MCU: variants seen among roughly 807,000 people sequenced by gnomAD.
The protein encoded by MCU is calcium uniporter protein, mitochondrial.
Under a neutral mutation model 45.2 loss-of-function variants are expected in MCU, and 12 were observed. The ratio of observed to expected loss-of-function variants is 0.27; its 90% confidence interval spans 0.17 to 0.43. The LOEUF (loss-of-function observed/expected upper bound fraction) is 0.43, where lower values mean the gene tolerates loss of function less well. MCU is among the 20% of genes least tolerant of loss of function. The pLI is 1.00. For missense variants in MCU, 324 were observed against 436.7 expected, an observed-to-expected ratio of 0.74 and a Z score of 2.30; for synonymous variants, 160 against 165.1, an observed-to-expected ratio of 0.97 and a Z score of 0.24.
chr10:72,860,297 G>T, intron 3 of MCU, 126 bp from the exon 4 acceptor site: 1 of 746,554 alleles, frequency 1.3e-6, no homozygotes. Context: ...AGGAAATGAG[G>T]CAAAAAGTTA....
intron 4 of MCU, among the ~76,000 whole-genome samples, chr10:72,863,609 A>G (rs1019693440): frequency 2.0e-5 from 3 of 152,192 alleles, no homozygotes; most frequent in Non-Finnish European, 4.4e-5. Flanking sequence ...TGTAGATACA[A>G]GTCTATCTTA....
rs1006972387 is a variant in MCU at position 72,884,396 on chromosome 10, A to C, written c.978+14A>C. ...GCAATTGCTCAGGTAAGTTTTACAAAAATTAAAATAAATCCCAGCCCTATC... is the reference window on the plus strand; with the variant it reads ...GCAATTGCTCAGGTAAGTTTTACAACAATTAAAATAAATCCCAGCCCTATC... On this transcript the variant is annotated intron_variant, in intron 7 of 7. Transcript: ENST00000373053. 1 of 1,374,856 alleles carries C rather than the reference A, an allele frequency of 7.3e-7. No homozygotes were observed. The highest frequency in any genetic ancestry group is 1.0e-6 in the Non-Finnish European group (1 of 963,792). The allele number at this position is 1,374,856 out of a possible 1,614,324, so 85.2% of individuals were successfully genotyped here.
chr10:72,849,479 A>T (rs142734888), intron 2 of MCU, among the ~76,000 whole-genome samples: 1 of 152,226 alleles, frequency 6.6e-6, no homozygotes, highest in Non-Finnish European at 1.5e-5. Flanking sequence ...AGTTTCAGTT[A>T]TGGCTGTGGG....
chr10:72,698,531 G>A (rs1057152808), intron 1 of MCU, among the ~76,000 whole-genome samples: 4 of 152,194 alleles, frequency 2.6e-5, no homozygotes, highest in Non-Finnish European at 5.9e-5. Flanking sequence ...GCCTCACAGA[G>A]TCTTACTCTG....
chr10:72,770,816 A>G (rs1400080557), intron 1 of MCU, among the ~76,000 whole-genome samples: 2 of 152,118 alleles, frequency 1.3e-5, no homozygotes, highest in African/African-American at 4.8e-5. Flanking sequence ...ATATTATCCT[A>G]TATAATTGCT....
At chr10:72,834,892 T>C (rs1219565597) in intron 2 of MCU, among the ~76,000 whole-genome samples, 1 of 152,176 alleles carries the variant, frequency 6.6e-6, no homozygotes, top group African/African-American at 2.4e-5. Context: ...ACCCACGTGA[T>C]CCGCCCACCT....
chr10:72,692,835 G>C (rs1222863549), intron 1 of MCU: 1 of 1,427,632 alleles, frequency 7.0e-7, no homozygotes, highest in Non-Finnish European at 9.1e-7. Context: ...GTCCCCGAGG[G>C]GTCGGGCAGG....
At chr10:72,722,434 C>T (rs1843036061) in intron 1 of MCU, among the ~76,000 whole-genome samples, 1 of 151,074 alleles carries the variant, frequency 6.6e-6, no homozygotes, top group African/African-American at 2.4e-5. Flanking sequence ...GAACTTTAAC[C>T]TCCCGCTTGA....
At chr10:72,696,282 C>T (rs575375512) in intron 1 of MCU, among the ~76,000 whole-genome samples, 5 of 135,530 alleles carry the variant, frequency 3.7e-5, no homozygotes, top group East Asian at 2.3e-4. Flanking sequence ...GTATTATATA[C>T]GTAAGCCACT....
At chr10:72,716,100 A>G (rs1180558734) in intron 1 of MCU, among the ~76,000 whole-genome samples, 1 of 152,236 alleles carries the variant, frequency 6.6e-6, no homozygotes, top group East Asian at 1.9e-4. Context: ...CAATACAGAC[A>G]TATCCATTTG....
chr10:72,831,866 G>C (rs990014376), intron 1 of MCU, among the ~76,000 whole-genome samples: 2 of 152,114 alleles, frequency 1.3e-5, no homozygotes, highest in Non-Finnish European at 2.9e-5. Context: ...GTCTAAAGGG[G>C]TAAAGCACAG....
At chr10:72,782,466 G>C (rs1844009442) in intron 1 of MCU, among the ~76,000 whole-genome samples, 1 of 152,140 alleles carries the variant, frequency 6.6e-6, no homozygotes, top group Non-Finnish European at 1.5e-5. Context: ...TGCCTCCTGG[G>C]TTCAAGCGAT....
rs541263776 is a variant in MCU, at chr10:72,715,896, T to A, written c.150+23595T>A. On this transcript the variant is annotated intron_variant, in intron 1 of 7. Coordinates refer to ENST00000373053, the MANE Select transcript of MCU (RefSeq NM_138357.3). ...TGTTCACGCAGGGGAAACTTGAACA[T>A]TCGCAGGTATGTGAAGATCATGATT... 5.7e-5 allele frequency: 56 copies of A among 985,526 alleles called. 1 individual carries two copies. The South Asian group carries it at 1.9e-3, about 34-fold the overall frequency. The allele number at this position is 985,526 out of a possible 1,614,324, so 61.0% of individuals were successfully genotyped here.
intron 1 of MCU, among the ~76,000 whole-genome samples, chr10:72,723,913 A>G (rs1843061899): frequency 6.6e-6 from 1 of 152,216 alleles, no homozygotes; most frequent in Non-Finnish European, 1.5e-5. Context: ...AATGTTATTC[A>G]GAACATCTTT....
intron 2 of MCU, among the ~76,000 whole-genome samples, chr10:72,850,638 T>C (rs1845194448): frequency 6.6e-6 from 1 of 152,206 alleles, no homozygotes; most frequent in Admixed American, 6.5e-5. Context: ...TATTCCTTCT[T>C]CAAATGCAAT....
At chr10:72,747,431 A>G (rs1018900780) in intron 1 of MCU, among the ~76,000 whole-genome samples, 2 of 152,206 alleles carry the variant, frequency 1.3e-5, no homozygotes, top group African/African-American at 4.8e-5. Context: ...ATGATGAGGT[A>G]ATAAGGACTG....
intron 7 of MCU, 141 bp downstream of exon 7, chr10:72,884,523 A>G (rs1283968669): frequency 1.7e-6 from 1 of 583,728 alleles, no homozygotes; most frequent in Non-Finnish European, 3.1e-6. Flanking sequence ...TCCTCAGTTG[A>G]TTACAGTAAC....
rs113718185 is a variant in MCU at position 72,788,131 on chromosome 10, C to G, written c.151-46228C>G. On this transcript the variant is annotated intron_variant, in intron 1 of 7. Coordinates refer to ENST00000373053, the MANE Select transcript of MCU (RefSeq NM_138357.3). ...CAATGTGAAGAAACAAGAACAGGTTCTTTTCTGTGTTCAATTTGTACAGGA... is the reference window on the plus strand; with the variant it reads ...CAATGTGAAGAAACAAGAACAGGTTGTTTTCTGTGTTCAATTTGTACAGGA... Among the ~76,000 whole-genome samples the G allele has an allele frequency of 7.3e-3, 1,112 of 152,318 alleles. 14 individuals carry two copies. The highest frequency in any genetic ancestry group is 0.026 in the African/African-American group (1,068 of 41,562).
chr10:72,754,238 T>A (rs997021455), intron 1 of MCU, among the ~76,000 whole-genome samples: 10 of 152,178 alleles, frequency 6.6e-5, no homozygotes, highest in African/African-American at 2.4e-4. Context: ...TCAGCCTTAT[T>A]TTGCTTCCTT....
Sources: allele counts gnomAD v4.1 joint callset (sites outside exome capture counted in the v4.1 genomes callset), GRCh38; gene constraint gnomAD v4.1.1; transcripts MANE v1.5; gene names NCBI Gene and HGNC (gene_info 2026-07-23, HGNC 2026-07-21).